The following SP110 variants were observed in gnomAD, a reference collection of about 807,000 sequenced individuals.
SP110 encodes the protein SP110 nuclear body protein.
Under a neutral mutation model 92.7 loss-of-function variants are expected in SP110, and 62 were observed. That is an observed-to-expected ratio of 0.67 (90% CI 0.55 to 0.83). SP110 has a LOEUF of 0.83. SP110 is among the 40% of genes least tolerant of loss of function. The pLI is 0.00. For synonymous variants in SP110, 273 were observed against 305.3 expected (o/e 0.89, Z 1.10); for missense variants, 793 against 863.9 (o/e 0.92, Z 1.03).
intron 10 of SP110, among the ~76,000 whole-genome samples, chr2:230,196,006 T>C (rs1302862052): frequency 2.0e-5 from 3 of 152,198 alleles, no homozygotes; most frequent in African/African-American, 7.2e-5. Flanking sequence ...TCTATATTAC[T>C]ACTAATCAAA....
At chr2:230,218,011 G>A (rs1422782672) in intron 1 of SP110, among the ~76,000 whole-genome samples, 1 of 152,202 alleles carries the variant, frequency 6.6e-6, no homozygotes, top group Non-Finnish European at 1.5e-5. Context: ...TCTCAGACAT[G>A]CGCCTTTTCC....
At position 230,167,179 on chromosome 2, in the gene SP110, T is replaced by C. The variant is rs1483981190; in HGVS notation, c.*1945A>G. On this transcript the variant is annotated 3_prime_UTR_variant, in exon 19 of 19. Coordinates refer to ENST00000258381, the MANE Select transcript of SP110 (RefSeq NM_080424.4). ...GTGCAGTGGTGCATTCTTGGCTCAC[T>C]GCGACCTCTGCCTCCCAGGCTCATC... is the stretch of plus-strand genomic sequence containing the variant. 1 of 150,274 alleles carries C rather than the reference T, an allele frequency of 6.7e-6. No homozygotes were observed. Among genetic ancestry groups the C allele is most frequent in the Non-Finnish European group, 1.5e-5 (1 of 67,774 alleles). 9.3% of individuals were successfully genotyped at this position (150,274 alleles called of 1,614,324 possible).
chr2:230,173,039 C>A, intron 14 of SP110, 80 bp from the exon 15 acceptor site: 2 of 955,604 alleles, frequency 2.1e-6, no homozygotes, highest in East Asian at 2.5e-5. Flanking sequence ...TAGAACACAT[C>A]ATTTTTGTGT....
chr2:230,200,944 T>C lies in SP110; in HGVS notation c.1070A>G (p.Glu357Gly). Residue 357 changes from glutamate (E) to glycine (G), a missense_variant, in exon 10 of 19, where the codon GAA becomes GGA. Transcript: ENST00000258381. ...RSEEIIDGTS[E>G]MNEGKRSQKT... ...CTGGGACCTCTTTCCTTCATTCATT[T>C]CTGAAGTGCCATCAATGATCTCTGG... The C allele has an allele frequency of 6.2e-7, 1 of 1,613,674 alleles. No individual in the cohort carries two copies. Among genetic ancestry groups the C allele is most frequent in the Non-Finnish European group, 8.5e-7 (1 of 1,179,544 alleles).
chr2:230,205,154 A>G (rs1331386783), intron 8 of SP110, among the ~76,000 whole-genome samples: 1 of 152,226 alleles, frequency 6.6e-6, no homozygotes, highest in Non-Finnish European at 1.5e-5. Flanking sequence ...GACCTTGTCA[A>G]TATGCTAATA....
chr2:230,221,765 A>G (rs573165377), upstream of SP110: 54 of 1,531,046 alleles, frequency 3.5e-5, no homozygotes, highest in South Asian at 6.1e-4. Context: ...TCCTGGCAGC[A>G]AGAACTTCTT....
chr2:230,178,461 C>CAAA (rs11382160), intron 12 of SP110, among the ~76,000 whole-genome samples: 16 of 148,798 alleles, frequency 1.1e-4, no homozygotes, highest in Middle Eastern at 3.4e-3. Context: ...AACACTATAT[C>CAAA]AAAAAAAAAA....
intron 10 of SP110, among the ~76,000 whole-genome samples, chr2:230,198,730 G>A (rs962847763): frequency 2.6e-5 from 4 of 152,080 alleles, no homozygotes; most frequent in Non-Finnish European, 5.9e-5. Context: ...GAGTAGCTGG[G>A]ATTACAGGTG....
At chr2:230,198,689 G>C (rs1240941170) in intron 10 of SP110, among the ~76,000 whole-genome samples, 1 of 151,984 alleles carries the variant, frequency 6.6e-6, no homozygotes, top group Non-Finnish European at 1.5e-5. Context: ...CTGCCTCCTG[G>C]GTTCAAGCAA....
intron 14 of SP110, chr2:230,173,223 CT>C (rs2041696541): frequency 1.6e-5 from 7 of 428,770 alleles, no homozygotes; most frequent in Admixed American, 9.5e-5. Flanking sequence ...GCGTTTTGAG[CT>C]GTGCTGCTGC....
upstream of SP110, chr2:230,221,583 T>C: frequency 1.0e-6 from 1 of 996,830 alleles, no homozygotes; most frequent in Non-Finnish European, 1.5e-6. Flanking sequence ...AATTCAATGC[T>C]AACAGCTGAG....
chr2:230,213,196 A>C (rs7601190), intron 3 of SP110, among the ~76,000 whole-genome samples, 169 bp from the exon 4 acceptor site: 111,774 of 151,994 alleles, frequency 0.74, 41,673 homozygotes, highest in East Asian at 0.88. Context: ...GTGGCCCCTT[A>C]ATATTTTATT....
At chr2:230,172,259 G>A (rs1254593083) in intron 15 of SP110, 85 bp from the exon 16 acceptor site, 7 of 890,358 alleles carry the variant, frequency 7.9e-6, no homozygotes, top group Non-Finnish European at 1.3e-5. Context: ...CTTCCCTCAG[G>A]AAGGATGGGC....
Position 230,171,676 on chromosome 2 carries a change from A to T in SP110, c.1887+20T>A. 1 of 1,593,844 alleles carries T rather than the reference A, an allele frequency of 6.3e-7. No homozygotes were observed. Among genetic ancestry groups the T allele is most frequent in the Non-Finnish European group, 8.6e-7 (1 of 1,161,428 alleles). On this transcript the variant is annotated intron_variant, in intron 17 of 18. Transcript: ENST00000258381. ...TCTCCAAATGCATTTTATGCAAGAGAACCGTAAAATGTGACTTACATTAAA... is the reference window on the plus strand; with the variant it reads ...TCTCCAAATGCATTTTATGCAAGAGTACCGTAAAATGTGACTTACATTAAA...
intron 7 of SP110, among the ~76,000 whole-genome samples, chr2:230,208,526 T>C (rs6719893): frequency 0.02 from 3,013 of 152,078 alleles, 104 homozygotes; most frequent in African/African-American, 0.068. Flanking sequence ...GTAGTTAGGG[T>C]TTGTAGGACT....
At chr2:230,172,774 C>T (rs1369030609) in intron 15 of SP110, 70 bp downstream of exon 15, 4 of 1,064,842 alleles carry the variant, frequency 3.8e-6, no homozygotes, top group Non-Finnish European at 5.8e-6. Context: ...GTCCCCGACG[C>T]TCACAGGTCC....
intron 12 of SP110, among the ~76,000 whole-genome samples, chr2:230,178,581 T>C (rs1256697328): frequency 6.6e-6 from 1 of 152,190 alleles, no homozygotes; most frequent in African/African-American, 2.4e-5. Flanking sequence ...CTGATCTCTC[T>C]GTGCTGATGG....
chr2:230,178,057 A>G (rs1199298324), intron 13 of SP110, 100 bp downstream of exon 13: 2 of 768,378 alleles, frequency 2.6e-6, no homozygotes, highest in Non-Finnish European at 4.6e-6. Flanking sequence ...TCTAGCTAGC[A>G]GGGTCCATTT....
chr2:230,222,828 G>A (rs1280384830), upstream of SP110, among the ~76,000 whole-genome samples: 5 of 148,438 alleles, frequency 3.4e-5, no homozygotes, highest in Admixed American at 1.3e-4. Context: ...GATTAGTTTC[G>A]TGTGTATTAA....
Sources: allele counts gnomAD v4.1 joint callset (sites outside exome capture counted in the v4.1 genomes callset), GRCh38; gene constraint gnomAD v4.1.1; transcripts MANE v1.5; gene names NCBI Gene and HGNC (gene_info 2026-07-23, HGNC 2026-07-21).